MNAT1: variants seen among roughly 807,000 people sequenced by gnomAD.
MNAT1 encodes MNAT1 component of CDK activating kinase, also known as CDK-activating kinase assembly factor MAT1.
In MNAT1, 43 loss-of-function variants were observed where a neutral mutation model predicts 42.0. The ratio of observed to expected loss-of-function variants is 1.02; its 90% CI spans 0.80 to 1.32. MNAT1 has a LOEUF of 1.32. MNAT1 is among the 40% of genes most tolerant of loss of function. MNAT1 has a pLI of 0.00. For synonymous variants in MNAT1, 118 were observed against 120.0 expected (o/e 0.98, Z 0.11); for missense variants, 306 against 350.4 (o/e 0.87, Z 1.01).
At chr14:60,805,565 A>T (rs2032341327) in intron 3 of MNAT1, among the ~76,000 whole-genome samples, 1 of 152,104 alleles carries the variant, frequency 6.6e-6, no homozygotes. Flanking sequence ...CTGTGTGTTT[A>T]TTCCTCCCTA....
intron 6 of MNAT1, among the ~76,000 whole-genome samples, chr14:60,862,398 T>A (rs992146535): frequency 2.6e-5 from 4 of 152,234 alleles, no homozygotes; most frequent in African/African-American, 4.8e-5. Flanking sequence ...TCTCAAAGGT[T>A]GTAAAAGATT....
chr14:60,935,814 C>T (rs1594889573), intron 7 of MNAT1, among the ~76,000 whole-genome samples: 1 of 152,192 alleles, frequency 6.6e-6, no homozygotes, highest in South Asian at 2.1e-4. Flanking sequence ...TTGAAATTCC[C>T]TGTAGATAAG....
At chr14:60,923,857 G>A (rs1172731258) in intron 7 of MNAT1, among the ~76,000 whole-genome samples, 1 of 152,134 alleles carries the variant, frequency 6.6e-6, no homozygotes, top group Non-Finnish European at 1.5e-5. Flanking sequence ...GTGTGCATCT[G>A]TAATCCCAGC....
intron 1 of MNAT1, among the ~76,000 whole-genome samples, chr14:60,750,595 C>A (rs1424807598): frequency 9.2e-6 from 1 of 109,220 alleles, no homozygotes. Flanking sequence ...TAGAAATATT[C>A]TTTGTAGTTA....
intron 7 of MNAT1, among the ~76,000 whole-genome samples, chr14:60,932,021 TTAC>T (rs2035897456): frequency 6.6e-6 from 1 of 152,046 alleles, no homozygotes; most frequent in Non-Finnish European, 1.5e-5. Context: ...CTTCTTACTC[TTAC>T]TAATTTTTTC....
At chr14:60,886,619 T>C (rs1177590084) in intron 7 of MNAT1, among the ~76,000 whole-genome samples, 1 of 152,090 alleles carries the variant, frequency 6.6e-6, no homozygotes, top group Admixed American at 6.6e-5. Flanking sequence ...GATTTTTGCA[T>C]GTCTGTTTTG....
intron 6 of MNAT1, among the ~76,000 whole-genome samples, chr14:60,862,073 T>A (rs1438309843): frequency 2.0e-5 from 3 of 151,910 alleles, no homozygotes; most frequent in Admixed American, 6.6e-5. Flanking sequence ...CCTATGAGAG[T>A]GTTGTAGCAA....
At chr14:60,759,693 T>C (rs1214104671) in intron 1 of MNAT1, among the ~76,000 whole-genome samples, 5 of 152,232 alleles carry the variant, frequency 3.3e-5, no homozygotes, top group African/African-American at 4.8e-5. Flanking sequence ...AGTAACTTTC[T>C]ACATGCCATA....
chr14:60,903,864 A>AG (rs2035127640), intron 7 of MNAT1, among the ~76,000 whole-genome samples: 2 of 120,932 alleles, frequency 1.7e-5, no homozygotes, highest in Non-Finnish European at 3.5e-5. Flanking sequence ...TACCCATGTA[A>AG]GTTTTTTTTT....
intron 6 of MNAT1, among the ~76,000 whole-genome samples, chr14:60,876,971 A>AATTTTT (rs1268791462): frequency 1.2e-4 from 18 of 152,028 alleles, no homozygotes; most frequent in Non-Finnish European, 2.5e-4. Flanking sequence ...TTGTTGGATC[A>AATTTTT]TGTGGTAATT....
intron 1 of MNAT1, among the ~76,000 whole-genome samples, chr14:60,775,106 GTTT>G (rs2031201602): frequency 6.6e-6 from 1 of 152,136 alleles, no homozygotes; most frequent in African/African-American, 2.4e-5. Flanking sequence ...CTTTTAGGTG[GTTT>G]ACAGAGGAGA....
intron 6 of MNAT1, among the ~76,000 whole-genome samples, chr14:60,824,725 A>G (rs1297449981): frequency 6.6e-6 from 1 of 152,222 alleles, no homozygotes; most frequent in Non-Finnish European, 1.5e-5. Flanking sequence ...AAATCTATAC[A>G]TAAAATGCTA....
chr14:60,816,190 TA>T (rs1026835862), intron 5 of MNAT1, among the ~76,000 whole-genome samples: 1 of 152,160 alleles, frequency 6.6e-6, no homozygotes. Flanking sequence ...TTTAACCTTT[TA>T]AAAAGTATTT....
At chr14:60,942,329 A>G (rs924724501) in intron 7 of MNAT1, among the ~76,000 whole-genome samples, 1 of 152,172 alleles carries the variant, frequency 6.6e-6, no homozygotes, top group Non-Finnish European at 1.5e-5. Flanking sequence ...GCCCTCAAGC[A>G]GTGCCCAGAA....
At chr14:60,747,504 G>A (rs1352270320) in intron 1 of MNAT1, among the ~76,000 whole-genome samples, 1 of 152,072 alleles carries the variant, frequency 6.6e-6, no homozygotes, top group African/African-American at 2.4e-5. Flanking sequence ...AAGTTTTTGT[G>A]TATCTAATTA....
chr14:60,968,052 A>G (rs1182084168), intron 7 of MNAT1, among the ~76,000 whole-genome samples, 177 bp from the exon 8 acceptor site: 1 of 152,236 alleles, frequency 6.6e-6, no homozygotes, highest in African/African-American at 2.4e-5. Flanking sequence ...TAGGCACTCC[A>G]TGTACAGTTG....
chr14:60,759,199 G>A (rs1390170546), intron 1 of MNAT1, among the ~76,000 whole-genome samples: 1 of 152,156 alleles, frequency 6.6e-6, no homozygotes, highest in Non-Finnish European at 1.5e-5. Context: ...ATATAAGCCT[G>A]AAAAATGCTA....
intron 7 of MNAT1, among the ~76,000 whole-genome samples, chr14:60,898,174 T>C (rs2035001148): frequency 6.6e-6 from 1 of 151,752 alleles, no homozygotes; most frequent in South Asian, 2.1e-4. Context: ...CATTTGTCCA[T>C]AGATGGATAC....
chr14:60,921,609 A>G (rs1298373523), intron 7 of MNAT1, among the ~76,000 whole-genome samples: 2 of 152,204 alleles, frequency 1.3e-5, no homozygotes, highest in Non-Finnish European at 2.9e-5. Flanking sequence ...AGTTCAGCAG[A>G]TGAAAACTAG....
Sources: gnomAD v4.1 joint callset for allele counts (sites outside exome capture counted in the v4.1 genomes callset) on GRCh38, gnomAD v4.1.1 for gene constraint, MANE v1.5 for transcripts, NCBI Gene and HGNC (gene_info 2026-07-23, HGNC 2026-07-21) for gene names.